FRMD4B: variants seen among roughly 807,000 people sequenced by gnomAD.
FRMD4B encodes the protein FERM domain containing 4B, also known as FERM domain-containing protein 4B.
In FRMD4B, 74 loss-of-function variants were observed where a neutral mutation model predicts 141.5. The observed-to-expected ratio is 0.52, with a 90% CI of 0.43 to 0.63. The LOEUF is 0.63. Among genes scored for constraint, FRMD4B ranks in the 30% least tolerant of loss-of-function variants. The pLI is 0.00. For missense variants in FRMD4B, 1,366 were observed against 1,253.4 expected, an observed-to-expected ratio of 1.09 and a Z score of -1.36; for synonymous variants, 506 against 467.9, an observed-to-expected ratio of 1.08 and a Z score of -1.05.
intron 5 of FRMD4B, among the ~76,000 whole-genome samples, chr3:69,278,265 A>C (rs1370734494): frequency 3.3e-5 from 5 of 152,108 alleles, no homozygotes; most frequent in Non-Finnish European, 5.9e-5. Flanking sequence ...AAATCAAATA[A>C]GTTAATTTAT....
intron 7 of FRMD4B, among the ~76,000 whole-genome samples, chr3:69,247,136 C>T (rs2093430672): frequency 6.6e-6 from 1 of 151,942 alleles, no homozygotes; most frequent in Non-Finnish European, 1.5e-5. Flanking sequence ...TAATAATAGC[C>T]CAAGGGTGTA....
In FRMD4B at chr3:69,520,096, TATAA is replaced by T. The variant is rs1166546026; in HGVS notation, c.-129+22106_-129+22109del. Among the ~76,000 whole-genome samples, 9 of 130,180 alleles carry T rather than the reference TATAA, an allele frequency of 6.9e-5. 1 individual carries two copies. Among genetic ancestry groups the T allele is most frequent in the East Asian group, 2.6e-4 (1 of 3,800 alleles). The allele number at this position is 130,180 out of a possible 152,430, so 85.4% of individuals were successfully genotyped here. Reference sequence around the variant, plus strand: ...ATATATATATGATGGAATATATATATATAAAATGGACTATATATATATGATGGAA... The same window carrying T: ...ATATATATATGATGGAATATATATATAATGGACTATATATATATGATGGAA... On this transcript the variant is annotated intron_variant, in intron 1 of 5. Transcript: ENST00000459638.
At chr3:69,360,029 G>A (rs1703429532) in intron 1 of FRMD4B, among the ~76,000 whole-genome samples, 1 of 152,172 alleles carries the variant, frequency 6.6e-6, no homozygotes, top group Non-Finnish European at 1.5e-5. Context: ...AATGCATCCA[G>A]GGGTTAACAC....
intron 5 of FRMD4B, among the ~76,000 whole-genome samples, chr3:69,280,820 T>C (rs1321676384): frequency 1.3e-5 from 2 of 152,092 alleles, no homozygotes; most frequent in East Asian, 3.9e-4. Context: ...GAGTTCACTA[T>C]GTTGCCCAGA....
Position 69,224,750 on chromosome 3 carries a change from G to A in FRMD4B, c.582-60C>T, listed in dbSNP as rs371575658. ...TGTTATCCAAAAAATTATGCAAGCC[G>A]GTCACCAAATGAATTAGATTAAAAA... On this transcript the variant is annotated intron_variant, in intron 7 of 22. Transcript: ENST00000398540. 103 of 791,894 alleles carry A rather than the reference G, an allele frequency of 1.3e-4. 1 individual carries two copies. Among genetic ancestry groups the A allele is most frequent in the African/African-American group, 5.2e-4 (30 of 57,938 alleles). The allele number at this position is 791,894 out of a possible 1,614,324, so 49.1% of individuals were successfully genotyped here.
rs548471116 is a variant in FRMD4B, at chr3:69,181,205, G to A, written c.2545C>T (p.Arg849Cys). 28 of 1,613,916 alleles carry A rather than the reference G, an allele frequency of 1.7e-5. 1 individual carries two copies. In the South Asian group the frequency reaches 2.0e-4, roughly 11 times the overall value. The change falls in exon 21 of 23, where the codon CGC (arginine) becomes TGC (cysteine). Residue 849 changes from arginine (R) to cysteine (C), a missense_variant. By Grantham distance (180) the Arg-to-Cys change is radical (BLOSUM62 -3). Coordinates refer to ENST00000398540, the MANE Select transcript of FRMD4B (RefSeq NM_015123.3). ...YRSSAHYGYE[R>C]QRDYSRSFHE... ...AAGGATCTGCTGTAGTCCCTCTGGC[G>A]CTCATATCCATAGTGGGCTGAGGAC...
At position 69,250,037 on chromosome 3, in the gene FRMD4B, T is replaced by C; in HGVS notation, c.558+6A>G. On this transcript the variant is annotated splice_donor_region_variant and intron_variant, in intron 6 of 22. Coordinates refer to ENST00000398540, the MANE Select transcript of FRMD4B (RefSeq NM_015123.3). ...AGCTGCTAAGAGGCAGTTTGTCCAA[T>C]CTTACCTGTAAAATAAACGCTGCTA... The C allele has an allele frequency of 6.3e-7, 1 of 1,595,200 alleles. No homozygotes were observed. Among genetic ancestry groups the C allele is most frequent in the Non-Finnish European group, 8.6e-7 (1 of 1,162,684 alleles).
rs9831516 is a variant in FRMD4B, at chr3:69,180,910, G to C, written c.2840C>G (p.Ser947Trp). Residue 947 changes from serine (S) to tryptophan (W), a missense_variant, in exon 21 of 23, where the codon TCG (serine) becomes TGG (tryptophan). Ser to Trp is a radical substitution (Grantham distance 177, BLOSUM62 -3). Transcript: ENST00000398540. The part of the protein sequence containing the change: ...VPCSPSSRAS[S>W]YSSVSSTNAS... ...TACAGTATTCTCACCTGAAGAGTACGAGGATGCACGACTGCTTGGAGAACA... is the reference window on the plus strand; with the variant it reads ...TACAGTATTCTCACCTGAAGAGTACCAGGATGCACGACTGCTTGGAGAACA... 144 of 1,603,174 alleles carry C rather than the reference G, an allele frequency of 9.0e-5. No individual in the cohort carries two copies. The African/African-American group carries it at 1.8e-3, about 20-fold the overall frequency.
Position 69,217,547 on chromosome 3 carries a change from G to A in FRMD4B, c.789+775C>T, listed in dbSNP as rs549048245. ...TGAGGCAGGAGAATTGATCAAACCC[G>A]GGAGGCAGAGGTTGCAGTGAGCTGA... On this transcript the variant is annotated intron_variant, in intron 10 of 22. Coordinates refer to ENST00000398540, the MANE Select transcript of FRMD4B (RefSeq NM_015123.3). Among the ~76,000 whole-genome samples the A allele has an allele frequency of 2.9e-4, 44 of 152,230 alleles. No homozygotes were observed. In the South Asian group the frequency reaches 4.6e-3, roughly 16 times the overall value.
intron 2 of FRMD4B, among the ~76,000 whole-genome samples, chr3:69,423,540 G>T (rs76699152): frequency 6.6e-6 from 1 of 152,280 alleles, no homozygotes; most frequent in African/African-American, 2.4e-5. Context: ...TGCCCCCTAA[G>T]CATAGTGCTG....
chr3:69,540,689 A>C (rs1321418955), intron 1 of FRMD4B, among the ~76,000 whole-genome samples: 2 of 139,628 alleles, frequency 1.4e-5, no homozygotes, highest in East Asian at 4.0e-4. Flanking sequence ...ACACACACAC[A>C]CACGGCAGTT....
intron 5 of FRMD4B, among the ~76,000 whole-genome samples, chr3:69,282,022 G>A (rs1270111321): frequency 6.6e-6 from 1 of 151,974 alleles, no homozygotes; most frequent in African/African-American, 2.4e-5. Context: ...AGAACCCATT[G>A]AGAGCCACCC....
Position 69,224,663 on chromosome 3 carries a change from CT to C in FRMD4B, c.608del (p.Lys203ArgfsTer24). On this transcript the variant is annotated frameshift_variant, in exon 8 of 23. Transcript: ENST00000398540. LOFTEE classifies it high-confidence loss of function. ...TTTTGGTTGGAAAGGCTGGTAATGT[CT>C]TTAAATCTTTCCTGGCATTTTCATC... ...TSDENARKDL[K>X]TLPAFPTKTL... 1 of 1,572,734 alleles carries C rather than the reference CT, an allele frequency of 6.4e-7. No individual in the cohort carries two copies. The highest frequency in any genetic ancestry group is 8.7e-7 in the Non-Finnish European group (1 of 1,150,630).
chr3:69,315,083 C>T (rs906266390), intron 1 of FRMD4B, among the ~76,000 whole-genome samples: 2 of 152,166 alleles, frequency 1.3e-5, no homozygotes, highest in South Asian at 4.1e-4. Flanking sequence ...TCTCCCCCTA[C>T]TTTTAGTCCA....
At chr3:69,456,546 C>T (rs1211271716) in intron 1 of FRMD4B, among the ~76,000 whole-genome samples, 1 of 152,220 alleles carries the variant, frequency 6.6e-6, no homozygotes, top group African/African-American at 2.4e-5. Flanking sequence ...TCCATCACAG[C>T]CCCCTCATTA....
intron 1 of FRMD4B, among the ~76,000 whole-genome samples, chr3:69,489,523 A>G (rs942727095): frequency 8.2e-6 from 1 of 121,682 alleles, no homozygotes; most frequent in African/African-American, 2.8e-5. Flanking sequence ...ATGCAAATCA[A>G]AACCAGAGTG....
chr3:69,181,811 T>C, intron 20 of FRMD4B, 101 bp from the exon 21 acceptor site: 1 of 699,778 alleles, frequency 1.4e-6, no homozygotes, highest in African/African-American at 1.8e-5. Flanking sequence ...GCTCGTGAAT[T>C]ACAATAGGAC....
At chr3:69,530,447 A>T (rs1420914600) in intron 1 of FRMD4B, among the ~76,000 whole-genome samples, 2 of 151,974 alleles carry the variant, frequency 1.3e-5, no homozygotes, top group South Asian at 2.1e-4. Flanking sequence ...CTCTGCACAC[A>T]CCAGTTCCCA....
intron 2 of FRMD4B, among the ~76,000 whole-genome samples, chr3:69,411,542 A>G (rs1704761457): frequency 6.6e-6 from 1 of 152,204 alleles, no homozygotes; most frequent in Non-Finnish European, 1.5e-5. Context: ...TCAGCAGGGT[A>G]AATCTCTTTG....
Sources: allele counts gnomAD v4.1 joint callset (sites outside exome capture counted in the v4.1 genomes callset), GRCh38; gene constraint gnomAD v4.1.1; transcripts MANE v1.5; gene names NCBI Gene and HGNC (gene_info 2026-07-23, HGNC 2026-07-21).